Variants in SPIC observed in about 807,000 individuals in gnomAD.
SPIC encodes the protein Spi-C transcription factor, also known as transcription factor Spi-C.
A neutral mutation model predicts 16.7 loss-of-function variants in SPIC; 9 were observed. The ratio of observed to expected loss-of-function variants is 0.54; its 90% CI spans 0.33 to 0.94. The LOEUF is 0.94. Ranked by LOEUF, SPIC falls within the 40% of genes least tolerant of loss-of-function variation. The pLI is 0.03. For missense variants in SPIC, 241 were observed against 285.8 expected, an observed-to-expected ratio of 0.84 and a Z score of 1.13; for synonymous variants, 97 against 102.9, an observed-to-expected ratio of 0.94 and a Z score of 0.35.
In SPIC at chr12:101,479,580, A is replaced by G. The variant is rs1334945223; in HGVS notation, c.98-2A>G. On this transcript the variant is annotated splice_acceptor_variant, in intron 3 of 5. Coordinates refer to ENST00000551346, the MANE Select transcript of SPIC (RefSeq NM_152323.3). LOFTEE classifies it high-confidence loss of function. ...TAGTTTCTTTCTCTGATTTAAAATT[A>G]GATTACAGAAATTACCTGGCTTTAA... is the stretch of plus-strand genomic sequence containing the variant. 2 of 1,608,852 alleles carry G rather than the reference A, an allele frequency of 1.2e-6. No homozygotes were observed. Among genetic ancestry groups the G allele is most frequent in the Non-Finnish European group, 1.7e-6 (2 of 1,177,506 alleles).
chr12:101,486,816 C>T lies in SPIC; in HGVS notation c.*45C>T. On this transcript the variant is annotated 3_prime_UTR_variant, in exon 6 of 6. Transcript: ENST00000551346. ...GGTTTACTGGCATCGGAAATCTCTACAAGTTTTAATGATTTCTCCCTCCCT... is the reference window on the plus strand; with the variant it reads ...GGTTTACTGGCATCGGAAATCTCTATAAGTTTTAATGATTTCTCCCTCCCT... 1 of 1,432,510 alleles carries T rather than the reference C, an allele frequency of 7.0e-7. No homozygotes were observed. Among genetic ancestry groups the T allele is most frequent in the Non-Finnish European group, 9.3e-7 (1 of 1,073,060 alleles). 88.7% of individuals were successfully genotyped at this position (1,432,510 alleles called of 1,614,324 possible).
In SPIC at chr12:101,486,545, G is replaced by C; in HGVS notation, c.521G>C (p.Arg174Thr). 6.2e-7 allele frequency: 1 copy of C among 1,614,176 alleles called. No individual in the cohort carries two copies. ...MTYQKMARAL[R>T]NYGRSGEITK... The stretch of plus-strand genomic sequence containing the variant: ...TACCAGAAAATGGCCAGGGCACTCA[G>C]AAATTACGGAAGAAGTGGGGAAATT... The change falls in exon 6 of 6, where the codon AGA (arginine) becomes ACA (threonine). Residue 174 changes from arginine to threonine, a missense_variant. Arg to Thr is a moderately conservative substitution (Grantham distance 71). Coordinates refer to ENST00000551346, the MANE Select transcript of SPIC (RefSeq NM_152323.3).
chr12:101,480,812 C>T (rs574109632), intron 4 of SPIC, among the ~76,000 whole-genome samples: 1 of 152,102 alleles, frequency 6.6e-6, no homozygotes. Context: ...CAGAGCAAGA[C>T]CCTGTCTCAA....
Position 101,486,376 on chromosome 12 carries a change from C to T in SPIC, c.352C>T (p.His118Tyr), listed in dbSNP as rs373137341. Residue 118 changes from histidine to tyrosine, a missense_variant, in exon 6 of 6, where the codon CAC becomes TAC. Physicochemically the swap from His to Tyr is moderately conservative, Grantham distance 83. Coordinates refer to ENST00000551346, the MANE Select transcript of SPIC (RefSeq NM_152323.3). ...GAAGCTCCGACTGTTTGAATACCTT[C>T]ACGAATCCCTGTATAATCCGGAGAT... ...RKKLRLFEYL[H>Y]ESLYNPEMAS... 84 of 1,612,588 alleles carry T rather than the reference C, an allele frequency of 5.2e-5. No individual in the cohort carries two copies. The highest frequency in any genetic ancestry group is 7.0e-5 in the Non-Finnish European group (82 of 1,179,416).
chr12:101,486,225 TG>T, intron 5 of SPIC, 118 bp from the exon 6 acceptor site: 2 of 925,376 alleles, frequency 2.2e-6, no homozygotes, highest in African/African-American at 1.7e-5. Flanking sequence ...GGGCAGTGAG[TG>T]GGAGAAAAAC....
intron 3 of SPIC, among the ~76,000 whole-genome samples, chr12:101,479,172 A>AAAGAAAGAAAGAAAGAAAG (rs1555208932): frequency 7.2e-5 from 6 of 82,932 alleles, no homozygotes; most frequent in African/African-American, 3.4e-4. Flanking sequence ...GAAAGAAAGA[A>AAAGAAAGAAAGAAAGAAAG]AAAGAAAGAA....
chr12:101,475,798 A>G (rs1872940800), intron 1 of SPIC, among the ~76,000 whole-genome samples: 1 of 152,194 alleles, frequency 6.6e-6, no homozygotes, highest in South Asian at 2.1e-4. Flanking sequence ...ATTGAAAATC[A>G]CTGACATGGC....
chr12:101,477,116 G>A (rs997190348), intron 2 of SPIC, among the ~76,000 whole-genome samples: 1 of 152,054 alleles, frequency 6.6e-6, no homozygotes, highest in Non-Finnish European at 1.5e-5. Context: ...CAATTCATAG[G>A]TTCTGTTTCA....
chr12:101,476,129 A>G (rs1230453397), intron 1 of SPIC, among the ~76,000 whole-genome samples: 2 of 152,100 alleles, frequency 1.3e-5, no homozygotes, highest in African/African-American at 4.8e-5. Context: ...GCAATTTTGG[A>G]CCCACCACAG....
intron 5 of SPIC, 38 bp downstream of exon 5, chr12:101,482,938 C>A: frequency 1.3e-6 from 2 of 1,544,946 alleles, no homozygotes; most frequent in Non-Finnish European, 1.8e-6. Flanking sequence ...GGTAAAAGAA[C>A]CAGATCTTCC....
chr12:101,478,382 A>G (rs1335659387), intron 3 of SPIC, among the ~76,000 whole-genome samples: 11 of 151,782 alleles, frequency 7.2e-5, no homozygotes, highest in Admixed American at 4.6e-4. Flanking sequence ...TTGTAGAGAC[A>G]GGGTCTCACT....
intron 4 of SPIC, among the ~76,000 whole-genome samples, chr12:101,482,359 C>G (rs1014862476): frequency 6.6e-6 from 1 of 152,080 alleles, no homozygotes; most frequent in African/African-American, 2.4e-5. Context: ...CATGAGCCAC[C>G]GTGCTCGGCC....
intron 3 of SPIC, among the ~76,000 whole-genome samples, chr12:101,479,244 AAGAAAGAAAGAAGGAAGG>A (rs1873086249): frequency 9.7e-6 from 1 of 102,616 alleles, no homozygotes; most frequent in East Asian, 2.7e-4. Flanking sequence ...AAGAAAGAAA[AAGAAAGAAAGAAGGAAGG>A]AAAGAAAGAA....
chr12:101,476,865 C>T lies in SPIC; in HGVS notation c.-40C>T. On this transcript the variant is annotated 5_prime_UTR_variant, in exon 2 of 6. Coordinates refer to ENST00000551346, the MANE Select transcript of SPIC (RefSeq NM_152323.3). ...ATTTTATTTTATTTTCTTCAAGCAA[C>T]AATTGCTAAGGAACAGAATTGTCAA... The T allele has an allele frequency of 7.4e-7, 1 of 1,343,472 alleles. No individual in the cohort carries two copies. Among genetic ancestry groups the T allele is most frequent in the Non-Finnish European group, 9.9e-7 (1 of 1,009,514 alleles). 83.2% of individuals were successfully genotyped at this position (1,343,472 alleles called of 1,614,324 possible). A position where few individuals can be genotyped will look rare whatever the true frequency, so the allele number is the denominator to read the frequency against.
rs1393437266 is a variant in SPIC, at chr12:101,484,970, TGAGA to T, written c.320-1371_320-1368del. ...CATTAAGACCAATTTGATCACTGAATGAGAGACAGAGGAGTTTTGTTTAAGCTGT... is the reference window on the plus strand; with the variant it reads ...CATTAAGACCAATTTGATCACTGAATGACAGAGGAGTTTTGTTTAAGCTGT... On this transcript the variant is annotated intron_variant, in intron 5 of 5. Coordinates refer to ENST00000551346, the MANE Select transcript of SPIC (RefSeq NM_152323.3). 2.6e-5 allele frequency among the ~76,000 whole-genome samples: 4 copies of T among 152,348 alleles called. No individual in the cohort carries two copies. The South Asian group carries it at 8.3e-4, about 32-fold the overall frequency.
At position 101,475,495 on chromosome 12, in the gene SPIC, T is replaced by C. The variant is rs1872930675; in HGVS notation, c.-85T>C. On this transcript the variant is annotated 5_prime_UTR_variant, in exon 1 of 6. Transcript: ENST00000551346. ...AACATCTCTATAAAGGGTTGAAGTG[T>C]CTTCCCGGTAAGTTCTCAGCTTATG... 3 of 152,200 alleles carry C rather than the reference T, an allele frequency of 2.0e-5. No homozygotes were observed. Among genetic ancestry groups the C allele is most frequent in the Non-Finnish European group, 4.4e-5 (3 of 68,038 alleles). The allele number at this position is 152,200 out of a possible 1,614,324, so 9.4% of individuals were successfully genotyped here.
rs779419455 is a variant in SPIC at position 101,479,574 on chromosome 12, A to G, written c.98-8A>G. The G allele has an allele frequency of 6.2e-7, 1 of 1,605,776 alleles. No homozygotes were observed. The highest frequency in any genetic ancestry group is 8.5e-7 in the Non-Finnish European group (1 of 1,175,224). On this transcript the variant is annotated splice_polypyrimidine_tract_variant and splice_region_variant and intron_variant, in intron 3 of 5. Coordinates refer to ENST00000551346, the MANE Select transcript of SPIC (RefSeq NM_152323.3). ...CTTTTTTAGTTTCTTTCTCTGATTT[A>G]AAATTAGATTACAGAAATTACCTGG...
chr12:101,476,327 C>A (rs921040627), intron 1 of SPIC, among the ~76,000 whole-genome samples: 4 of 152,050 alleles, frequency 2.6e-5, no homozygotes, highest in African/African-American at 7.2e-5. Flanking sequence ...AGGATTCAAG[C>A]AAGTCCAAGG....
At chr12:101,476,340 A>G (rs1872957020) in intron 1 of SPIC, among the ~76,000 whole-genome samples, 1 of 152,218 alleles carries the variant, frequency 6.6e-6, no homozygotes, top group Non-Finnish European at 1.5e-5. Flanking sequence ...GTCCAAGGAT[A>G]GTCTTCACAG....
Sources: allele counts gnomAD v4.1 joint callset (sites outside exome capture counted in the v4.1 genomes callset), GRCh38; gene constraint gnomAD v4.1.1; transcripts MANE v1.5; gene names NCBI Gene and HGNC (gene_info 2026-07-23, HGNC 2026-07-21).